CYP2B6: variants seen among roughly 807,000 people sequenced by gnomAD.
The protein encoded by CYP2B6 is cytochrome P450 family 2 subfamily B member 6.
Under a neutral mutation model 43.4 loss-of-function variants are expected in CYP2B6, and 35 were observed. The observed-to-expected ratio is 0.81, with a 90% CI of 0.62 to 1.07. CYP2B6 has a LOEUF of 1.07. CYP2B6 is among the 50% of genes least tolerant of loss of function. CYP2B6 has a pLI of 0.00. For synonymous variants in CYP2B6, 239 were observed against 239.2 expected (o/e 1.00, Z 0.01); for missense variants, 624 against 632.8 (o/e 0.99, Z 0.15).
In CYP2B6 at chr19:41,005,203, G is replaced by T. The variant is rs1969158306; in HGVS notation, c.484+757G>T. Among the ~76,000 whole-genome samples, 4 of 152,074 alleles carry T rather than the reference G, an allele frequency of 2.6e-5. 1 individual carries two copies. In the South Asian group the frequency reaches 8.3e-4, roughly 32 times the overall value. The stretch of plus-strand genomic sequence containing the variant: ...TGTTCTGCCCGGGTGCAGCTGGAGG[G>T]GTCATCAAAGAATCACTAGGTTATT... On this transcript the variant is annotated intron_variant, in intron 3 of 8. Coordinates refer to ENST00000324071, the MANE Select transcript of CYP2B6 (RefSeq NM_000767.5).
chr19:41,011,537 TTGA>T, intron 6 of CYP2B6, among the ~76,000 whole-genome samples: 1 of 152,252 alleles, frequency 6.6e-6, no homozygotes, highest in East Asian at 1.9e-4. Flanking sequence ...GATTGATTGA[TTGA>T]TGTTTTTATC....
intron 6 of CYP2B6, 131 bp downstream of exon 6, chr19:41,010,266 C>A: frequency 1.8e-6 from 2 of 1,133,888 alleles, no homozygotes; most frequent in Admixed American, 2.0e-5. Flanking sequence ...AGGCTCTGGG[C>A]TAGATTCCAA....
chr19:41,005,641 C>T (rs556862244), intron 3 of CYP2B6, among the ~76,000 whole-genome samples: 198 of 151,948 alleles, frequency 1.3e-3, no homozygotes, highest in African/African-American at 4.6e-3. Context: ...ATTAGCCAGG[C>T]TTGGTAGCAC....
chr19:40,998,078 G>C (rs944765898), intron 1 of CYP2B6, among the ~76,000 whole-genome samples: 4 of 151,940 alleles, frequency 2.6e-5, no homozygotes, highest in Non-Finnish European at 4.4e-5. Flanking sequence ...CTCCAGCCTG[G>C]GCACAGAGCA....
intron 5 of CYP2B6, 159 bp downstream of exon 5, chr19:41,009,554 G>A (rs1326401484): frequency 7.5e-6 from 6 of 804,170 alleles, no homozygotes; most frequent in African/African-American, 7.0e-5. Flanking sequence ...ACATGAGGAA[G>A]GAAAGAAAGA....
At chr19:41,009,967 C>G (rs769401686) in intron 5 of CYP2B6, 27 bp from the exon 6 acceptor site, 2 of 1,613,910 alleles carry the variant, frequency 1.2e-6, no homozygotes, top group Non-Finnish European at 1.7e-6. Context: ...CCCTGACCCT[C>G]CCCTTCCTTC....
chr19:41,015,627 C>G (rs7259965), intron 8 of CYP2B6, among the ~76,000 whole-genome samples: 1 of 152,020 alleles, frequency 6.6e-6, no homozygotes. Flanking sequence ...CTCTGAGAAT[C>G]AGTGGAAGCC....
intron 1 of CYP2B6, among the ~76,000 whole-genome samples, chr19:40,995,764 G>A (rs1251044332): frequency 6.6e-6 from 1 of 152,108 alleles, no homozygotes. Context: ...GAGACCAAGG[G>A]ACTCCAATCA....
At position 41,004,133 on chromosome 19, in the gene CYP2B6, G is replaced by T. The variant is rs148009906; in HGVS notation, c.304G>T (p.Ala102Ser). ...AEAFSGRGKI[A>S]MVDPFFRGYG... ...GGCCTTCTCTGGCCGGGGAAAAATC[G>T]CCATGGTCGACCCATTCTTCCGGGG... Residue 102 changes from alanine to serine, a missense_variant, in exon 2 of 9, where the codon GCC becomes TCC. Transcript: ENST00000324071. 709 of 1,543,860 alleles carry T rather than the reference G, an allele frequency of 4.6e-4. No homozygotes were observed. The highest frequency in any genetic ancestry group is 6.1e-4 in the Non-Finnish European group (693 of 1,141,444).
intron 6 of CYP2B6, among the ~76,000 whole-genome samples, 197 bp from the exon 7 acceptor site, chr19:41,012,101 A>G (rs1215883345): frequency 2.0e-5 from 3 of 152,072 alleles, no homozygotes; most frequent in Admixed American, 6.5e-5. Flanking sequence ...GGTGTGCACC[A>G]GCACACCCAG....
intron 1 of CYP2B6, among the ~76,000 whole-genome samples, chr19:40,992,863 T>A (rs1277059597): frequency 6.6e-6 from 1 of 152,048 alleles, no homozygotes. Flanking sequence ...ACTGTTATGA[T>A]GGCTCTCAGG....
intron 4 of CYP2B6, 72 bp downstream of exon 4, chr19:41,007,137 C>A: frequency 1.3e-6 from 2 of 1,481,618 alleles, no homozygotes; most frequent in Non-Finnish European, 1.9e-6. Context: ...AAAAGGATGA[C>A]CTGTCTTGGG....
At chr19:40,992,735 G>C (rs183590498) in intron 1 of CYP2B6, among the ~76,000 whole-genome samples, 1 of 152,104 alleles carries the variant, frequency 6.6e-6, no homozygotes, top group East Asian at 1.9e-4. Flanking sequence ...GCCCAGACTG[G>C]TCTTAAACTC....
At chr19:41,001,083 A>T (rs1410813841) in intron 1 of CYP2B6, among the ~76,000 whole-genome samples, 2 of 152,056 alleles carry the variant, frequency 1.3e-5, no homozygotes, top group Non-Finnish European at 2.9e-5. Flanking sequence ...AAAATTAGTG[A>T]TAGTGATGCT....
rs3211391 is a variant in CYP2B6, at chr19:41,018,061, G to T, written c.*1234G>T. ...GTAGGGACATGTTGGCCAGGCTGGTGGTGAGCTCCTGGCCTCAGGTGATCC... is the reference window on the plus strand; with the variant it reads ...GTAGGGACATGTTGGCCAGGCTGGTTGTGAGCTCCTGGCCTCAGGTGATCC... On this transcript the variant is annotated 3_prime_UTR_variant, in exon 9 of 9. Transcript: ENST00000324071. 2 of 152,092 alleles carry T rather than the reference G, an allele frequency of 1.3e-5. No individual in the cohort carries two copies. The highest frequency in any genetic ancestry group is 2.9e-5 in the Non-Finnish European group (2 of 68,016). 9.4% of individuals were successfully genotyped at this position (152,092 alleles called of 1,614,324 possible).
chr19:41,006,402 A>C (rs1205336508), intron 3 of CYP2B6, among the ~76,000 whole-genome samples: 206 of 135,186 alleles, frequency 1.5e-3, no homozygotes, highest in African/African-American at 5.6e-3. Flanking sequence ...GATCCTTTTG[A>C]ATCAGGCTCC....
chr19:41,011,045 AT>A (rs35185769), intron 6 of CYP2B6, among the ~76,000 whole-genome samples: 43,340 of 151,822 alleles, frequency 0.29, 6,568 homozygotes, highest in South Asian at 0.38. Context: ...ATTTATTTGG[AT>A]TACTTGATCC....
chr19:41,009,329 C>T lies in CYP2B6; in HGVS notation c.756C>T (p.His252=). 6.2e-7 allele frequency: 1 copy of T among 1,610,748 alleles called. No individual in the cohort carries two copies. The highest frequency in any genetic ancestry group is 8.5e-7 in the Non-Finnish European group (1 of 1,177,652). ...NAYIGHSVEK[H]RETLDPSAPK... ...ACATTGGCCACAGTGTGGAGAAGCACCGTGAAACCCTGGACCCCAGCGCCC... is the reference window on the plus strand; with the variant it reads ...ACATTGGCCACAGTGTGGAGAAGCATCGTGAAACCCTGGACCCCAGCGCCC... Residue 252 remains histidine, a synonymous_variant, in exon 5 of 9, where the codon CAC becomes CAT. Coordinates refer to ENST00000324071, the MANE Select transcript of CYP2B6 (RefSeq NM_000767.5).
Position 41,006,788 on chromosome 19 carries a change from G to A in CYP2B6, c.485-117G>A. 1.2e-5 allele frequency: 11 copies of A among 939,460 alleles called. No homozygotes were observed. The South Asian group carries it at 1.3e-4, about 11-fold the overall frequency. 58.2% of individuals were successfully genotyped at this position (939,460 alleles called of 1,614,324 possible). A position where few individuals can be genotyped will look rare whatever the true frequency, so the allele number is the denominator to read the frequency against. On this transcript the variant is annotated intron_variant, in intron 3 of 8. Transcript: ENST00000324071. ...GTGCTGGTACATAATTAGCTGTTAC[G>A]GTTATTCTCATGTTTACCATTACTG...
Sources: gnomAD v4.1 joint callset for allele counts (sites outside exome capture counted in the v4.1 genomes callset) on GRCh38, gnomAD v4.1.1 for gene constraint, MANE v1.5 for transcripts, NCBI Gene and HGNC (gene_info 2026-07-23, HGNC 2026-07-21) for gene names.